SNX18: variants seen among roughly 807,000 people sequenced by gnomAD.
SNX18 encodes sorting nexin-18.
SNX18 carries 35 observed loss-of-function variants against 48.7 expected under a neutral mutation model. The ratio of observed to expected loss-of-function variants is 0.72; its 90% CI spans 0.55 to 0.95. The LOEUF is 0.95. SNX18 is among the 40% of genes least tolerant of loss of function. The pLI is 0.00. For synonymous variants in SNX18, 492 were observed against 384.7 expected, an observed-to-expected ratio of 1.28 and a Z score of -3.26; for missense variants, 824 against 871.0, an observed-to-expected ratio of 0.95 and a Z score of 0.68.
the SNX18 span, among the ~76,000 whole-genome samples, chr5:54,598,715 T>C: frequency 6.6e-6 from 1 of 152,030 alleles, no homozygotes; most frequent in South Asian, 2.1e-4. Context: ...ATAAACTAGG[T>C]ATTGAAGGAA....
chr5:54,572,833 A>G, the SNX18 span, among the ~76,000 whole-genome samples: 4 of 110,920 alleles, frequency 3.6e-5, no homozygotes, highest in Non-Finnish European at 6.7e-5. Context: ...TCACTTCGTC[A>G]CCCAAGCTGG....
At chr5:54,534,474 G>A (rs547008593) in intron 1 of SNX18, among the ~76,000 whole-genome samples, 3 of 152,112 alleles carry the variant, frequency 2.0e-5, no homozygotes, top group Non-Finnish European at 2.9e-5. Context: ...GAGGGAAAAC[G>A]GTAAGGAGGC....
At chr5:54,584,641 C>T in the SNX18 span, among the ~76,000 whole-genome samples, 1 of 152,152 alleles carries the variant, frequency 6.6e-6, no homozygotes, top group South Asian at 2.1e-4. Flanking sequence ...ACAACAACAA[C>T]CATTTGTCTC....
chr5:54,530,927 A>G lies in SNX18; in HGVS notation c.1621+11354A>G, dbSNP rs548629442. Among the ~76,000 whole-genome samples the G allele has an allele frequency of 8.0e-4, 121 of 151,232 alleles. 2 individuals carry two copies. The highest frequency in any genetic ancestry group is 9.6e-4 in the Non-Finnish European group (65 of 67,812). ...CCACCACACCCAGCTAATTTTTTGT[A>G]TTTTTAGTAGAGACGAGGTTTCATC... On this transcript the variant is annotated intron_variant, in intron 1 of 1. Coordinates refer to ENST00000381410, the MANE Select transcript of SNX18 (RefSeq NM_001102575.2).
the SNX18 span, among the ~76,000 whole-genome samples, chr5:54,596,871 T>C: frequency 6.6e-6 from 1 of 152,128 alleles, no homozygotes; most frequent in Non-Finnish European, 1.5e-5. Context: ...ACTTGGGTAT[T>C]GGTTAGTATC....
At chr5:54,596,677 C>A in the SNX18 span, among the ~76,000 whole-genome samples, 1 of 152,124 alleles carries the variant, frequency 6.6e-6, no homozygotes, top group Non-Finnish European at 1.5e-5. Context: ...TGTTCTGTAC[C>A]CTTAGCAAGT....
the SNX18 span, among the ~76,000 whole-genome samples, chr5:54,607,261 G>A: frequency 0.017 from 2,604 of 152,132 alleles, 65 homozygotes; most frequent in South Asian, 0.075. Context: ...GTGGGCCCCC[G>A]CCTGTGTGCA....
chr5:54,547,546 T>G (rs1254938124), downstream of SNX18, among the ~76,000 whole-genome samples: 1 of 152,190 alleles, frequency 6.6e-6, no homozygotes, highest in Non-Finnish European at 1.5e-5. Flanking sequence ...GGCACAAAAG[T>G]ACAAAGGGAA....
intron 1 of SNX18, among the ~76,000 whole-genome samples, chr5:54,524,906 G>C (rs1351649405): frequency 6.6e-6 from 1 of 152,238 alleles, no homozygotes; most frequent in East Asian, 1.9e-4. Context: ...AGAGCCTGGT[G>C]GATGGGCCAG....
the SNX18 span, among the ~76,000 whole-genome samples, chr5:54,557,895 T>G: frequency 1.2e-4 from 18 of 152,262 alleles, no homozygotes; most frequent in African/African-American, 4.1e-4. Flanking sequence ...TTTAAATGTA[T>G]TTTTATTTGT....
At chr5:54,591,676 C>T in the SNX18 span, among the ~76,000 whole-genome samples, 18 of 152,272 alleles carry the variant, frequency 1.2e-4, no homozygotes, top group South Asian at 3.3e-3. Context: ...TCTTTTCTGC[C>T]CTTTCGAAGT....
the SNX18 span, among the ~76,000 whole-genome samples, chr5:54,624,873 A>C: frequency 1.3e-5 from 2 of 152,220 alleles, no homozygotes; most frequent in African/African-American, 4.8e-5. Flanking sequence ...AACAGCTGTC[A>C]GCGCTGTGCC....
chr5:54,637,369 A>G, the SNX18 span, among the ~76,000 whole-genome samples: 1 of 152,348 alleles, frequency 6.6e-6, no homozygotes, highest in East Asian at 1.9e-4. Flanking sequence ...AACTGTTACC[A>G]TAATTCATTT....
rs746220686 is a variant in SNX18, at chr5:54,518,753, C to T, written c.801C>T (p.Pro267=). The T allele has an allele frequency of 5.6e-6, 9 of 1,606,338 alleles. No homozygotes were observed. Among genetic ancestry groups the T allele is most frequent in the Non-Finnish European group, 6.8e-6 (8 of 1,176,048 alleles). Residue 267 remains proline, a synonymous_variant, in exon 1 of 2, where the codon CCC becomes CCT. Coordinates refer to ENST00000381410, the MANE Select transcript of SNX18 (RefSeq NM_001102575.2). ...KLCVVLGPYG[P]EWQENPYPFQ... is the part of the protein sequence containing the mutation. ...GCGTGGTGCTGGGGCCCTATGGCCC[C>T]GAGTGGCAGGAGAACCCCTACCCGT... is the stretch of plus-strand genomic sequence containing the variant.
At chr5:54,573,049 TA>T in the SNX18 span, among the ~76,000 whole-genome samples, 3 of 151,890 alleles carry the variant, frequency 2.0e-5, no homozygotes, top group Non-Finnish European at 4.4e-5. Context: ...TAATGTTTGC[TA>T]AACACACCCA....
chr5:54,539,999 G>T lies in SNX18; in HGVS notation c.1622-3180G>T, dbSNP rs189004956. ...TGATTCTCCTGCCTCAGCCTCCCGG[G>T]TACTTGGGATTACAGGCGCCCACCA... On this transcript the variant is annotated intron_variant, in intron 1 of 1. Coordinates refer to ENST00000381410, the MANE Select transcript of SNX18 (RefSeq NM_001102575.2). 2.2e-3 allele frequency among the ~76,000 whole-genome samples: 334 copies of T among 151,786 alleles called. 1 individual carries two copies. Among genetic ancestry groups the T allele is most frequent in the Middle Eastern group, 0.01 (3 of 294 alleles).
At chr5:54,640,054 C>T in the SNX18 span, among the ~76,000 whole-genome samples, 2,518 of 152,160 alleles carry the variant, frequency 0.017, 28 homozygotes, top group Middle Eastern at 0.031. Flanking sequence ...GGATTATGGA[C>T]CTCAATTTTC....
Position 54,519,409 on chromosome 5 carries a change from C to T in SNX18, c.1457C>T (p.Ser486Leu), listed in dbSNP as rs1761964586. 1 of 1,613,484 alleles carries T rather than the reference C, an allele frequency of 6.2e-7. No homozygotes were observed. Among genetic ancestry groups the T allele is most frequent in the African/African-American group, 1.3e-5 (1 of 74,940 alleles). Residue 486 changes from serine (S) to leucine (L), a missense_variant, in exon 1 of 2, where the codon TCG becomes TTG. Physicochemically the swap from Ser to Leu is moderately radical, Grantham distance 145. Around this residue, in one of 3 missense-constraint regions of SNX18, gnomAD observed 443 missense variants for 503.6 expected, o/e 0.88. Transcript: ENST00000381410. ...TTTGAGCTGGACCAGCAGGCCTTCTCGGTGGGCCTGAACCAGGCTATCGCC... is the reference window on the plus strand; with the variant it reads ...TTTGAGCTGGACCAGCAGGCCTTCTTGGTGGGCCTGAACCAGGCTATCGCC... ...QAFELDQQAF[S>L]VGLNQAIAFT...
the SNX18 span, among the ~76,000 whole-genome samples, chr5:54,574,591 A>C: frequency 1.3e-5 from 2 of 152,228 alleles, no homozygotes; most frequent in Admixed American, 1.3e-4. Context: ...AATGGTTATT[A>C]GGGACAGTTA....
Sources: allele counts gnomAD v4.1 joint callset (sites outside exome capture counted in the v4.1 genomes callset), GRCh38; gene constraint gnomAD v4.1.1; regional missense constraint gnomAD v4.1.1; transcripts MANE v1.5; gene names NCBI Gene and HGNC (gene_info 2026-07-23, HGNC 2026-07-21).